RALA: variants seen among roughly 807,000 people sequenced by gnomAD.
The protein encoded by RALA is RAS like proto-oncogene A.
In RALA, 5 loss-of-function variants were observed where a neutral mutation model predicts 24.0. The ratio of observed to expected loss-of-function variants is 0.21; its 90% CI spans 0.11 to 0.44. The LOEUF is 0.44. Among genes scored for constraint, RALA ranks in the 20% least tolerant of loss-of-function variants. The pLI, the probability that RALA is intolerant of heterozygous loss-of-function variation, is 0.99. For missense variants in RALA, 95 were observed against 241.2 expected (o/e 0.39, Z 4.01); for synonymous variants, 77 against 83.8 (o/e 0.92, Z 0.44).
At chr7:39,657,638 G>A (rs1792119663) in intron 1 of RALA, among the ~76,000 whole-genome samples, 2 of 152,024 alleles carry the variant, frequency 1.3e-5, no homozygotes, top group Admixed American at 1.3e-4. Context: ...ATAATGAAAT[G>A]CAGCCAGACA....
chr7:39,696,763 A>G lies in RALA; in HGVS notation c.402A>G (p.Lys134=), dbSNP rs1192129735. ...GTAACAAATCAGATTTAGAAGATAA[A>G]AGACAGGTTTCTGTAGAAGAGGCAA... The part of the protein sequence containing the change: ...LVGNKSDLED[K]RQVSVEEAKN... The change falls in exon 4 of 5, where the codon AAA becomes AAG. Residue 134 remains lysine (K), a synonymous_variant. Transcript: ENST00000005257. 3 of 1,613,136 alleles carry G rather than the reference A, an allele frequency of 1.9e-6. No individual in the cohort carries two copies. The highest frequency in any genetic ancestry group is 2.5e-6 in the Non-Finnish European group (3 of 1,179,114).
chr7:39,703,379 T>G (rs1268580464), intron 4 of RALA: 1 of 152,230 alleles, frequency 6.6e-6, no homozygotes, highest in Non-Finnish European at 1.5e-5. Flanking sequence ...TGTGTTCCGT[T>G]CTGTTGCATA....
At chr7:39,672,499 A>G (rs941782463) in intron 1 of RALA, among the ~76,000 whole-genome samples, 1 of 152,180 alleles carries the variant, frequency 6.6e-6, no homozygotes, top group Admixed American at 6.5e-5. Flanking sequence ...CATACAACCT[A>G]CCAGTTCTGC....
intron 1 of RALA, among the ~76,000 whole-genome samples, chr7:39,663,445 T>G (rs979067209): frequency 6.6e-6 from 1 of 152,152 alleles, no homozygotes; most frequent in African/African-American, 2.4e-5. Context: ...CACTGTAAAC[T>G]TTAAATAACA....
chr7:39,650,932 C>G (rs1352149553), intron 1 of RALA, among the ~76,000 whole-genome samples: 2 of 152,200 alleles, frequency 1.3e-5, no homozygotes, highest in East Asian at 1.9e-4. Context: ...CTCCTTTGGA[C>G]TAGTCATAAT....
chr7:39,654,610 A>G (rs1792068386), intron 1 of RALA, among the ~76,000 whole-genome samples: 1 of 152,208 alleles, frequency 6.6e-6, no homozygotes, highest in African/African-American at 2.4e-5. Flanking sequence ...GAAATCATCG[A>G]ATGCCTAACC....
At chr7:39,663,006 A>G (rs79821211) in intron 1 of RALA, among the ~76,000 whole-genome samples, 9,425 of 152,292 alleles carry the variant, frequency 0.062, 384 homozygotes, top group Non-Finnish European at 0.087. Flanking sequence ...ACATGGTGGC[A>G]GATGAGAGAG....
intron 2 of RALA, among the ~76,000 whole-genome samples, chr7:39,689,638 C>G (rs529218624): frequency 6.6e-6 from 1 of 152,086 alleles, no homozygotes; most frequent in South Asian, 2.1e-4. Flanking sequence ...AAAGATAGGC[C>G]GGGCCTGGTG....
At chr7:39,628,406 C>CACACACACACACAT (rs1791532960) in intron 1 of RALA, among the ~76,000 whole-genome samples, 1 of 151,544 alleles carries the variant, frequency 6.6e-6, no homozygotes, top group African/African-American at 2.4e-5. Context: ...CACACACACA[C>CACACACACACACAT]ACACACATTC....
chr7:39,655,622 GTTC>G (rs1203096534), intron 1 of RALA, among the ~76,000 whole-genome samples: 1 of 151,614 alleles, frequency 6.6e-6, no homozygotes, highest in Non-Finnish European at 1.5e-5. Flanking sequence ...CCAGTTTATT[GTTC>G]TTCTTAAAAA....
rs183538128 is a variant in RALA at position 39,684,319 on chromosome 7, A to T, written c.-37-2312A>T. 5.2e-3 allele frequency among the ~76,000 whole-genome samples: 795 copies of T among 152,340 alleles called. 2 individuals carry two copies. The highest frequency in any genetic ancestry group is 9.7e-3 in the South Asian group (47 of 4,828). On this transcript the variant is annotated intron_variant, in intron 1 of 4. Transcript: ENST00000005257. ...AAGAACAGGATGAAAAAATGCATTT[A>T]TGTATATGTGATCTCAGTTATGTTA...
At chr7:39,634,182 G>A (rs1055626106) in intron 1 of RALA, among the ~76,000 whole-genome samples, 4 of 152,102 alleles carry the variant, frequency 2.6e-5, no homozygotes, top group Admixed American at 6.5e-5. Flanking sequence ...GTGCTGGTAG[G>A]TAGAGTATTT....
At chr7:39,641,835 C>A (rs1267179260) in intron 1 of RALA, among the ~76,000 whole-genome samples, 1 of 152,118 alleles carries the variant, frequency 6.6e-6, no homozygotes, top group East Asian at 1.9e-4. Flanking sequence ...CTTATCTAAA[C>A]CCTTAGTAGA....
intron 4 of RALA, among the ~76,000 whole-genome samples, chr7:39,705,246 G>C (rs1020579367): frequency 6.6e-6 from 1 of 152,126 alleles, no homozygotes; most frequent in Non-Finnish European, 1.5e-5. Flanking sequence ...GGCCACATCA[G>C]TCATGACATA....
chr7:39,682,671 C>G (rs1433823928), intron 1 of RALA, among the ~76,000 whole-genome samples: 1 of 152,150 alleles, frequency 6.6e-6, no homozygotes. Context: ...AAGACGGAGT[C>G]TCACTCTGTT....
chr7:39,699,482 C>T (rs890804970), intron 4 of RALA, among the ~76,000 whole-genome samples: 2 of 152,258 alleles, frequency 1.3e-5, no homozygotes, highest in East Asian at 1.9e-4. Flanking sequence ...CTCACGTATA[C>T]GTGTATGTTC....
intron 1 of RALA, among the ~76,000 whole-genome samples, chr7:39,657,145 T>C (rs1168672496): frequency 1.3e-5 from 2 of 152,082 alleles, no homozygotes; most frequent in South Asian, 2.1e-4. Context: ...TTTTGTATTT[T>C]TGTAGTGACG....
intron 1 of RALA, among the ~76,000 whole-genome samples, chr7:39,684,722 A>G (rs565958866): frequency 1.3e-5 from 2 of 151,858 alleles, no homozygotes; most frequent in South Asian, 2.1e-4. Flanking sequence ...TAAAAAAAAA[A>G]AAAAAAGAAA....
At chr7:39,647,052 T>C (rs1261034479) in intron 1 of RALA, among the ~76,000 whole-genome samples, 1 of 152,120 alleles carries the variant, frequency 6.6e-6, no homozygotes, top group African/African-American at 2.4e-5. Context: ...TTCTTATTTA[T>C]TTATTTTGGG....
Sources: gnomAD v4.1 joint callset for allele counts (sites outside exome capture counted in the v4.1 genomes callset) on GRCh38, gnomAD v4.1.1 for gene constraint, MANE v1.5 for transcripts, NCBI Gene and HGNC (gene_info 2026-07-23, HGNC 2026-07-21) for gene names.